The following CHD7 variants were observed in gnomAD, a reference collection of about 807,000 sequenced individuals.
CHD7 encodes chromodomain helicase DNA binding protein 7.
CHD7 carries 24 observed loss-of-function variants against 307.3 expected under a neutral mutation model. That is an observed-to-expected ratio of 0.08 (90% CI 0.06 to 0.11). CHD7 has a LOEUF of 0.11. CHD7 is among the 10% of genes least tolerant of loss of function. CHD7 has a pLI of 1.00. For missense variants in CHD7, 3,106 were observed against 3,727.1 expected (o/e 0.83, Z 4.34); for synonymous variants, 1,363 against 1,349.9 (o/e 1.01, Z -0.21).
intron 2 of CHD7, among the ~76,000 whole-genome samples, chr8:60,748,415 T>G (rs1809441318): frequency 6.6e-6 from 1 of 152,194 alleles, no homozygotes. Flanking sequence ...TGCATGGTCC[T>G]GGGCCCATGG....
At chr8:60,861,992 C>G in intron 35 of CHD7, 1 of 393,800 alleles carries the variant, frequency 2.5e-6, no homozygotes, top group Non-Finnish European at 4.4e-6. Flanking sequence ...AAAGCCAATT[C>G]TCACTTATGT....
intron 6 of CHD7, among the ~76,000 whole-genome samples, chr8:60,802,670 A>G (rs987387911): frequency 2.0e-5 from 3 of 152,188 alleles, no homozygotes; most frequent in Non-Finnish European, 2.9e-5. Flanking sequence ...TTTTAGCAAA[A>G]TGTATACAAA....
At position 60,837,802 on chromosome 8, in the gene CHD7, G is replaced by A. The variant is rs1804803522; in HGVS notation, c.4320G>A (p.Gln1440=). ...TGGGCCTGGATAAAGCTGTGCTACA[G>A]TCTATGAGTGGAAGAGAAAATGCTA... is the stretch of plus-strand genomic sequence containing the variant. The part of the protein sequence containing the change: ...LKLGLDKAVL[Q]SMSGRENATN... The change falls in exon 18 of 38, where the codon CAG becomes CAA. Residue 1440 remains glutamine (Q), a synonymous_variant. Coordinates refer to ENST00000423902, the MANE Select transcript of CHD7 (RefSeq NM_017780.4). The A allele has an allele frequency of 6.2e-7, 1 of 1,613,766 alleles. No homozygotes were observed. The highest frequency in any genetic ancestry group is 2.2e-5 in the East Asian group (1 of 44,876).
Position 60,741,739 on chromosome 8 carries a change from T to A in CHD7, c.307T>A (p.Ser103Thr), listed in dbSNP as rs41272435. 28,829 of 1,613,918 alleles carry A rather than the reference T, an allele frequency of 0.018. 270 individuals carry two copies. The highest frequency in any genetic ancestry group is 0.021 in the Non-Finnish European group (25,278 of 1,179,852). ...TGGGAACGGACTCGCGTCTCCGCAC[T>A]CGCAGTATCACACCCCTCCCGTTCC... ...TPGNGLASPH[S>T]QYHTPPVPQV... Residue 103 changes from serine (S) to threonine (T), a missense_variant, in exon 2 of 38, where the codon TCG becomes ACG. By Grantham distance (58) the Ser-to-Thr change is moderately conservative. Transcript: ENST00000423902.
chr8:60,824,136 A>T (rs1451519826), intron 13 of CHD7, 120 bp downstream of exon 13: 5 of 883,842 alleles, frequency 5.7e-6, no homozygotes, highest in Admixed American at 2.5e-5. Context: ...AAATATTGTG[A>T]TATATTCTCT....
chr8:60,809,497 C>T (rs1441477103), intron 7 of CHD7: 1 of 151,710 alleles, frequency 6.6e-6, no homozygotes, highest in African/African-American at 2.4e-5. Context: ...AATGGCACTA[C>T]CAGAGAGACC....
At chr8:60,792,691 G>A (rs1437169440) in intron 3 of CHD7, among the ~76,000 whole-genome samples, 1 of 152,086 alleles carries the variant, frequency 6.6e-6, no homozygotes, top group African/African-American at 2.4e-5. Context: ...CTCAAACCTG[G>A]GCTCTGGTCG....
chr8:60,730,422 G>C (rs887492285), intron 1 of CHD7, among the ~76,000 whole-genome samples: 1 of 152,202 alleles, frequency 6.6e-6, no homozygotes, highest in African/African-American at 2.4e-5. Flanking sequence ...TTATAGTTTT[G>C]ATTATGGTGG....
At chr8:60,787,799 A>G (rs1162159454) in intron 3 of CHD7, among the ~76,000 whole-genome samples, 1 of 150,724 alleles carries the variant, frequency 6.6e-6, no homozygotes, top group Admixed American at 6.6e-5. Context: ...AATTTAATCC[A>G]TAAAACTCGG....
At chr8:60,698,544 C>G (rs1806603152) in intron 1 of CHD7, among the ~76,000 whole-genome samples, 1 of 152,204 alleles carries the variant, frequency 6.6e-6, no homozygotes, top group African/African-American at 2.4e-5. Flanking sequence ...GCAGTACTCT[C>G]TGCCTTTGGG....
intron 15 of CHD7, 31 bp downstream of exon 15, chr8:60,830,608 A>C: frequency 6.2e-7 from 1 of 1,604,124 alleles, no homozygotes. Context: ...AACTTGCTTA[A>C]GTGACGATTG....
At position 60,762,841 on chromosome 8, in the gene CHD7, G is replaced by T. The variant is rs570187806; in HGVS notation, c.1666-18159G>T. ...GATATGCTAGGACAGAGGAGTGGGAGCGAAGAGGGATCTTGCAGGGTGGGG... is the reference window on the plus strand; with the variant it reads ...GATATGCTAGGACAGAGGAGTGGGATCGAAGAGGGATCTTGCAGGGTGGGG... On this transcript the variant is annotated intron_variant, in intron 2 of 37. Coordinates refer to ENST00000423902, the MANE Select transcript of CHD7 (RefSeq NM_017780.4). Among the ~76,000 whole-genome samples the T allele has an allele frequency of 2.0e-5, 3 of 152,298 alleles. No homozygotes were observed. In the South Asian group the frequency reaches 6.2e-4, roughly 32 times the overall value.
intron 2 of CHD7, among the ~76,000 whole-genome samples, chr8:60,773,077 GTTA>G (rs957389734): frequency 6.6e-5 from 10 of 152,204 alleles, no homozygotes; most frequent in Non-Finnish European, 1.3e-4. Flanking sequence ...ACCTCATAGG[GTTA>G]TTATAGGAAT....
rs1053438592 is a variant in CHD7, at chr8:60,852,976, G to A, written c.6251G>A (p.Ser2084Asn). Residue 2084 changes from serine to asparagine, a missense_variant, in exon 31 of 38, where the codon AGC becomes AAC. Ser to Asn is a conservative substitution (Grantham distance 46). Coordinates refer to ENST00000423902, the MANE Select transcript of CHD7 (RefSeq NM_017780.4). ...GAGAGGCTTAAGCTCTGCCAGCCAAGCTTGGATCTGCCAGAGTGGTGGGAG... is the reference window on the plus strand; with the variant it reads ...GAGAGGCTTAAGCTCTGCCAGCCAAACTTGGATCTGCCAGAGTGGTGGGAG... ...LGERLKLCQP[S>N]LDLPEWWECG... 1.9e-5 allele frequency: 30 copies of A among 1,613,898 alleles called. No homozygotes were observed. Among genetic ancestry groups the A allele is most frequent in the Non-Finnish European group, 2.5e-5 (30 of 1,179,906 alleles).
At chr8:60,808,886 A>G (rs1373227214) in intron 7 of CHD7, 1 of 152,288 alleles carries the variant, frequency 6.6e-6, no homozygotes, top group Non-Finnish European at 1.5e-5. Context: ...TTTCAGAGTC[A>G]GTAATCATTC....
At chr8:60,825,018 T>A (rs1312776092) in intron 13 of CHD7, 2 of 152,210 alleles carry the variant, frequency 1.3e-5, no homozygotes, top group Admixed American at 6.5e-5. Flanking sequence ...TCCTGTCATT[T>A]AGCATGCCTT....
chr8:60,706,387 C>A (rs1320408273), intron 1 of CHD7, among the ~76,000 whole-genome samples: 1 of 152,014 alleles, frequency 6.6e-6, no homozygotes, highest in African/African-American at 2.4e-5. Flanking sequence ...TTTTATGATA[C>A]CATGAAATAT....
At chr8:60,803,114 T>G (rs1436934532) in intron 6 of CHD7, among the ~76,000 whole-genome samples, 1 of 152,210 alleles carries the variant, frequency 6.6e-6, no homozygotes, top group African/African-American at 2.4e-5. Context: ...TTTGTCCTAC[T>G]AATGACTCTA....
Position 60,828,683 on chromosome 8 carries a change from G to A in CHD7, c.3399G>A (p.Thr1133=), listed in dbSNP as rs537533901. The A allele has an allele frequency of 3.2e-5, 51 of 1,609,314 alleles. No homozygotes were observed. In the South Asian group the frequency reaches 5.0e-4, roughly 16 times the overall value. Residue 1133 remains threonine (T), a synonymous_variant, in exon 14 of 38, where the codon ACG becomes ACA. Coordinates refer to ENST00000423902, the MANE Select transcript of CHD7 (RefSeq NM_017780.4). ...MMDLEHKVLL[T]GTPLQNTVEE... ...CTCAGGAACACAAAGTGCTGCTGAC[G>A]GGAACCCCACTCCAGAACACTGTGG...
Sources: allele counts gnomAD v4.1 joint callset (sites outside exome capture counted in the v4.1 genomes callset), GRCh38; gene constraint gnomAD v4.1.1; transcripts MANE v1.5; gene names NCBI Gene and HGNC (gene_info 2026-07-23, HGNC 2026-07-21).